The following SYTL2 variants were observed in gnomAD, a reference collection of about 807,000 sequenced individuals.
SYTL2 encodes synaptotagmin-like protein 2.
A neutral mutation model predicts 198.7 loss-of-function variants in SYTL2; 165 were observed. The observed-to-expected ratio is 0.83, with a 90% CI of 0.73 to 0.94. The LOEUF is 0.94. SYTL2 is among the 40% of genes least tolerant of loss of function. The probability of loss-of-function intolerance (pLI) is 0.00; values close to 1 mark genes in which losing one functional copy is unlikely to be tolerated. For synonymous variants in SYTL2, 966 were observed against 917.7 expected (o/e 1.05, Z -0.95); for missense variants, 2,835 against 2,582.8 (o/e 1.10, Z -2.12).
chr11:85,792,776 C>T (rs186775602), intron 1 of SYTL2, among the ~76,000 whole-genome samples: 137 of 151,140 alleles, frequency 9.1e-4, no homozygotes, highest in African/African-American at 3.1e-3. Flanking sequence ...TATCCCTCCC[C>T]GCTCCCCACA....
At chr11:85,730,617 A>G (rs1255152855) in intron 7 of SYTL2, among the ~76,000 whole-genome samples, 8 of 152,220 alleles carry the variant, frequency 5.3e-5, no homozygotes, top group Admixed American at 5.2e-4. Flanking sequence ...GCTATTTATA[A>G]CAAACCCACA....
At position 85,748,274 on chromosome 11, in the gene SYTL2, G is replaced by A; in HGVS notation, c.251C>T (p.Ala84Val). The A allele has an allele frequency of 6.2e-7, 1 of 1,612,202 alleles. No individual in the cohort carries two copies. The highest frequency in any genetic ancestry group is 8.5e-7 in the Non-Finnish European group (1 of 1,178,758). Residue 84 changes from alanine to valine, a missense_variant and splice_region_variant, in exon 3 of 20, where the codon GCA (alanine) becomes GTA (valine). By Grantham distance (64) the Ala-to-Val change is moderately conservative. This residue lies in a region of SYTL2 where 2,645 missense variants were observed against 2,381.7 expected (regional missense o/e 1.11). Transcript: ENST00000359152. ...ATGCACTAGCCAAGTCAACTCACCT[G>A]CTATCTGGGGCCTCTTCTTTCTCAT... ...ASMRKKRPQIAAEQSKDRENG... is the reference protein window; with the variant it reads ...ASMRKKRPQIVAEQSKDRENG...
intron 1 of SYTL2, among the ~76,000 whole-genome samples, chr11:85,796,122 G>A (rs2092800494): frequency 6.6e-6 from 1 of 152,192 alleles, no homozygotes; most frequent in Admixed American, 6.5e-5. Context: ...GCACAGGGAA[G>A]AAAAAGAGCA....
intron 7 of SYTL2, among the ~76,000 whole-genome samples, chr11:85,732,134 C>A (rs574960650): frequency 6.6e-6 from 1 of 152,310 alleles, no homozygotes; most frequent in South Asian, 2.1e-4. Context: ...AACGCTTTTA[C>A]ACTGTTGGTG....
the SYTL2 span, chr11:85,852,854 G>A: frequency 4.4e-6 from 1 of 229,848 alleles, no homozygotes; most frequent in South Asian, 4.1e-5. Context: ...GATGTGAGGA[G>A]CCCCTCTGCC....
chr11:85,813,049 A>G (rs1376126411), upstream of SYTL2, among the ~76,000 whole-genome samples: 2 of 152,232 alleles, frequency 1.3e-5, no homozygotes, highest in East Asian at 1.9e-4. Flanking sequence ...TGCTGTTCCC[A>G]GTATCACTCG....
Position 85,727,139 on chromosome 11 carries a change from G to C in SYTL2, c.2219C>G (p.Thr740Ser), listed in dbSNP as rs1375953480. The change falls in exon 8 of 20, where the codon ACC becomes AGC. Residue 740 changes from threonine to serine, a missense_variant. By Grantham distance (58) the Thr-to-Ser change is moderately conservative (BLOSUM62 1). Around this residue, in one of 3 missense-constraint regions of SYTL2, gnomAD observed 2,645 missense variants for 2,381.7 expected, o/e 1.11. Transcript: ENST00000359152. ...CTCTAAGGAGGCTTTCAGGATATAG[G>C]TATTTCCTACTTTGCTCTTTCTCTC... is the stretch of plus-strand genomic sequence containing the variant. The part of the protein sequence containing the change: ...NAERKSKVGN[T>S]YILKASLEPE... The C allele has an allele frequency of 6.5e-6, 10 of 1,536,086 alleles. No homozygotes were observed. The highest frequency in any genetic ancestry group is 8.7e-6 in the Non-Finnish European group (10 of 1,146,780).
chr11:85,806,783 A>G (rs2092964231), intron 1 of SYTL2, among the ~76,000 whole-genome samples: 1 of 152,208 alleles, frequency 6.6e-6, no homozygotes, highest in Admixed American at 6.5e-5. Flanking sequence ...TGAATAGAAA[A>G]CAACCCAGAA....
rs1163015169 is a variant in SYTL2, at chr11:85,705,347, A to C, written c.6019-319T>G. 1.6e-5 allele frequency: 3 copies of C among 193,086 alleles called. No individual in the cohort carries two copies. The Admixed American group carries it at 1.7e-4, about 11-fold the overall frequency. The allele number at this position is 193,086 out of a possible 1,614,324, so 12.0% of individuals were successfully genotyped here. A position where few individuals can be genotyped will look rare whatever the true frequency, so the allele number is the denominator to read the frequency against. ...AATATTTTTAGACTAGATGTAATAC[A>C]AAATTGAGTCTAAAATACAAATCAA... On this transcript the variant is annotated intron_variant, in intron 15 of 19. Coordinates refer to ENST00000359152, the MANE Select transcript of SYTL2 (RefSeq NM_206927.4).
Position 85,724,595 on chromosome 11 carries a change from C to T in SYTL2, c.4763G>A (p.Arg1588Lys), listed in dbSNP as rs756178976. ...GGACTCCTTCTCGTGAGTTTCTTCT[C>T]TCACTGACACCTGGGGCTGATAAGG... ...APPYQPQVSVREETHEKESSQ... is the reference protein window; with the variant it reads ...APPYQPQVSVKEETHEKESSQ... The change falls in exon 8 of 20, where the codon AGA (arginine) becomes AAA (lysine). Residue 1588 changes from arginine (R) to lysine (K), a missense_variant. This residue lies in a region of SYTL2 where 2,645 missense variants were observed against 2,381.7 expected (regional missense o/e 1.11). Coordinates refer to ENST00000359152, the MANE Select transcript of SYTL2 (RefSeq NM_206927.4). 1 of 1,612,916 alleles carries T rather than the reference C, an allele frequency of 6.2e-7. No individual in the cohort carries two copies. The highest frequency in any genetic ancestry group is 8.5e-7 in the Non-Finnish European group (1 of 1,179,646).
chr11:85,790,176 G>C, intron 1 of SYTL2, among the ~76,000 whole-genome samples: 2 of 152,142 alleles, frequency 1.3e-5, no homozygotes, highest in East Asian at 3.8e-4. Context: ...AGAAAGTGAA[G>C]ATGCCAGGTG....
intron 3 of SYTL2, 108 bp downstream of exon 3, chr11:85,748,164 G>T: frequency 7.9e-7 from 1 of 1,265,772 alleles, no homozygotes; most frequent in Non-Finnish European, 1.1e-6. Flanking sequence ...TATGAAAAGT[G>T]TACATCCAAA....
At chr11:85,753,987 T>C (rs2091708906) in intron 2 of SYTL2, among the ~76,000 whole-genome samples, 1 of 152,164 alleles carries the variant, frequency 6.6e-6, no homozygotes, top group Non-Finnish European at 1.5e-5. Flanking sequence ...ATTAGTGATG[T>C]CCTCTTGGCT....
chr11:85,846,009 C>G, the SYTL2 span, among the ~76,000 whole-genome samples: 2 of 152,212 alleles, frequency 1.3e-5, no homozygotes, highest in African/African-American at 2.4e-5. Flanking sequence ...GGTGATCTCT[C>G]GCTCCTGTGG....
In SYTL2 at chr11:85,736,546, G is replaced by A. The variant is rs762651304; in HGVS notation, c.541C>T (p.Gln181Ter). 1.9e-6 allele frequency: 3 copies of A among 1,606,030 alleles called. No homozygotes were observed. The highest frequency in any genetic ancestry group is 2.6e-6 in the Non-Finnish European group (3 of 1,174,786). The change falls in exon 6 of 20, where the codon CAG (glutamine) becomes TAG (stop). Residue 181 changes from glutamine (Q) to a stop codon, truncating the protein, a stop_gained. Transcript: ENST00000359152. LOFTEE classifies it high-confidence loss of function. ...GHSSQQTKNEQSKNGRTGLFQ... is the reference protein window; with the variant it reads ...GHSSQQTKNE ...AAACCAGTTCTTCCATTTTTTGACT[G>A]TTCATTTTTAGTTTGTTGTGATGAG...
In SYTL2 at chr11:85,795,417, T is replaced by TA. The variant is rs1400800457; in HGVS notation, c.-390+15536dup. On this transcript the variant is annotated intron_variant, in intron 1 of 19. Transcript: ENST00000359152. ...TGGGCAGCAGAAAAGGCCAGATACT[T>TA]ACGCCCAGTAGCCTGAGTTGCACTC... Among the ~76,000 whole-genome samples the TA allele has an allele frequency of 2.0e-4, 31 of 152,308 alleles. No homozygotes were observed. The East Asian group carries it at 4.6e-3, about 23-fold the overall frequency.
intron 8 of SYTL2, among the ~76,000 whole-genome samples, chr11:85,723,302 T>C (rs144951848): frequency 1.1e-4 from 16 of 152,316 alleles, no homozygotes; most frequent in Admixed American, 2.6e-4. Flanking sequence ...GGCCAGGCAA[T>C]GCCCTTAGGT....
the SYTL2 span, among the ~76,000 whole-genome samples, chr11:85,839,070 A>G: frequency 6.6e-6 from 1 of 152,180 alleles, no homozygotes; most frequent in Non-Finnish European, 1.5e-5. Context: ...GGGAAGCACA[A>G]AGTTTATTAG....
the SYTL2 span, among the ~76,000 whole-genome samples, chr11:85,842,202 C>G: frequency 6.6e-5 from 10 of 152,286 alleles, no homozygotes; most frequent in African/African-American, 2.4e-4. Flanking sequence ...TGTGGTCACT[C>G]CAGTGGCTGC....
Sources: gnomAD v4.1 joint callset for allele counts (sites outside exome capture counted in the v4.1 genomes callset) on GRCh38, gnomAD v4.1.1 for gene constraint, gnomAD v4.1.1 regional missense constraint, MANE v1.5 for transcripts, NCBI Gene and HGNC (gene_info 2026-07-23, HGNC 2026-07-21) for gene names.